STK32B: variants seen among roughly 807,000 people sequenced by gnomAD.
STK32B encodes the protein serine/threonine kinase 32B.
STK32B carries 43 observed loss-of-function variants against 52.6 expected under a neutral mutation model. That is an observed-to-expected ratio of 0.82 (90% CI 0.64 to 1.05). The LOEUF (loss-of-function observed/expected upper bound fraction) is 1.05, where lower values mean the gene tolerates loss of function less well. Ranked by LOEUF, STK32B falls within the 50% of genes least tolerant of loss-of-function variation. STK32B has a pLI of 0.00. For synonymous variants in STK32B, 238 were observed against 204.3 expected, an observed-to-expected ratio of 1.17 and a Z score of -1.41; for missense variants, 621 against 534.6, an observed-to-expected ratio of 1.16 and a Z score of -1.59.
At chr4:5,026,599 A>G in the STK32B span, among the ~76,000 whole-genome samples, 1 of 152,206 alleles carries the variant, frequency 6.6e-6, no homozygotes, top group Admixed American at 6.5e-5. Context: ...CTCTCGACAC[A>G]TGGGGATTAT....
intron 2 of STK32B, chr4:5,140,401 C>A (rs1185577397): frequency 3.3e-6 from 3 of 906,128 alleles, no homozygotes; most frequent in East Asian, 1.3e-4. Flanking sequence ...AAAAATACTC[C>A]CCCCAGTCAA....
At chr4:5,430,038 G>T (rs1307600299) in intron 6 of STK32B, among the ~76,000 whole-genome samples, 3 of 152,022 alleles carry the variant, frequency 2.0e-5, no homozygotes, top group African/African-American at 7.2e-5. Flanking sequence ...TAGATATGAT[G>T]TACCAAGGCA....
chr4:5,187,838 T>A (rs1456203017), intron 3 of STK32B, among the ~76,000 whole-genome samples: 1 of 152,162 alleles, frequency 6.6e-6, no homozygotes, highest in Non-Finnish European at 1.5e-5. Flanking sequence ...CCAACTTCTG[T>A]GAGTTAGGCC....
chr4:5,348,696 C>G (rs1300582226), intron 4 of STK32B, among the ~76,000 whole-genome samples: 1 of 152,222 alleles, frequency 6.6e-6, no homozygotes, highest in Admixed American at 6.5e-5. Flanking sequence ...CTGCCACCTT[C>G]ACCTGAGCAT....
intron 3 of STK32B, among the ~76,000 whole-genome samples, chr4:5,262,161 C>G (rs1042412808): frequency 1.3e-5 from 2 of 152,160 alleles, no homozygotes; most frequent in Admixed American, 6.5e-5. Context: ...TAACTGGACT[C>G]TCTTGGAGCC....
intron 1 of STK32B, among the ~76,000 whole-genome samples, chr4:5,079,761 G>T (rs574263111): frequency 6.6e-6 from 1 of 152,258 alleles, no homozygotes; most frequent in South Asian, 2.1e-4. Context: ...CCAGGCCACT[G>T]TACTCTTTTG....
the STK32B span, among the ~76,000 whole-genome samples, chr4:5,034,776 G>T: frequency 6.6e-6 from 1 of 152,128 alleles, no homozygotes; most frequent in East Asian, 1.9e-4. Context: ...AGGCTGGAGG[G>T]GCATCCTGGA....
At chr4:5,475,641 C>T (rs182885409) in intron 11 of STK32B, among the ~76,000 whole-genome samples, 5 of 142,374 alleles carry the variant, frequency 3.5e-5, no homozygotes, top group South Asian at 4.7e-4. Context: ...GAGGTTGCAG[C>T]GAGCCAAGAT....
At chr4:5,413,060 C>T (rs1054756445) in intron 5 of STK32B, among the ~76,000 whole-genome samples, 1 of 152,150 alleles carries the variant, frequency 6.6e-6, no homozygotes, top group African/African-American at 2.4e-5. Flanking sequence ...CCCTCTTCCT[C>T]CAGAAACCCT....
chr4:5,398,898 G>T lies in STK32B; in HGVS notation c.472+654G>T, dbSNP rs552524389. Among the ~76,000 whole-genome samples, 1 of 152,302 alleles carries T rather than the reference G, an allele frequency of 6.6e-6. No homozygotes were observed. The highest frequency in any genetic ancestry group is 2.1e-4 in the South Asian group (1 of 4,828). ...CATGGACCACACCTTGAGTAGCAAG[G>T]CACCAAGTCAGTGGCTCTCCAACTC... On this transcript the variant is annotated intron_variant, in intron 5 of 11. Transcript: ENST00000282908. The surrounding 1 kb of genome is among the most constrained non-coding windows in gnomAD (Gnocchi z 4.9).
intron 3 of STK32B, among the ~76,000 whole-genome samples, chr4:5,271,040 C>A (rs1425522412): frequency 6.6e-6 from 1 of 151,820 alleles, no homozygotes; most frequent in Non-Finnish European, 1.5e-5. Flanking sequence ...CAGATTCAAG[C>A]AATTCTCCTG....
chr4:5,331,938 C>G (rs751827396), intron 4 of STK32B, among the ~76,000 whole-genome samples: 1 of 152,146 alleles, frequency 6.6e-6, no homozygotes, highest in Admixed American at 6.5e-5. Flanking sequence ...AGTGACTTTG[C>G]CTGCAGAAGC....
intron 3 of STK32B, among the ~76,000 whole-genome samples, chr4:5,300,336 G>C (rs1472156980): frequency 6.6e-6 from 1 of 152,124 alleles, no homozygotes; most frequent in East Asian, 1.9e-4. Flanking sequence ...TACTGAGCAA[G>C]CAAAAGCTGA....
intron 6 of STK32B, among the ~76,000 whole-genome samples, chr4:5,438,634 G>A (rs1376443372): frequency 6.6e-6 from 1 of 152,074 alleles, no homozygotes; most frequent in Non-Finnish European, 1.5e-5. Context: ...TAAGTTTTAG[G>A]GTACATGTGC....
At position 5,400,166 on chromosome 4, in the gene STK32B, C is replaced by T. The variant is rs528409593; in HGVS notation, c.472+1922C>T. Among the ~76,000 whole-genome samples the T allele has an allele frequency of 1.3e-5, 2 of 152,318 alleles. No individual in the cohort carries two copies. Among genetic ancestry groups the T allele is most frequent in the East Asian group, 3.9e-4 (2 of 5,176 alleles). ...GGACTGCCTGGCTTCATAGTTCTGG[C>T]TCCATCCTCACAGACCTTGGCCACA... On this transcript the variant is annotated intron_variant, in intron 5 of 11. Transcript: ENST00000282908. This position sits in a 1 kb window ranked among gnomAD's most constrained non-coding sequence, Gnocchi z 6.1.
intron 3 of STK32B, among the ~76,000 whole-genome samples, chr4:5,198,906 C>CACAG (rs1320619698): frequency 0.01 from 1,578 of 152,294 alleles, 25 homozygotes; most frequent in African/African-American, 0.035. Flanking sequence ...ACAGAGGTGG[C>CACAG]TGATCCTGTC....
intron 3 of STK32B, among the ~76,000 whole-genome samples, chr4:5,270,387 C>T (rs565813026): frequency 3.3e-4 from 50 of 152,196 alleles, no homozygotes; most frequent in African/African-American, 1.0e-3. Flanking sequence ...TGTTCTTCTG[C>T]CTGCTTTTAT....
chr4:5,092,368 C>G (rs1577062731), intron 1 of STK32B, among the ~76,000 whole-genome samples: 1 of 152,110 alleles, frequency 6.6e-6, no homozygotes, highest in East Asian at 1.9e-4. Context: ...CCTGTCTTTA[C>G]TAAAAATACA....
intron 11 of STK32B, among the ~76,000 whole-genome samples, chr4:5,494,804 G>A (rs375891883): frequency 2.6e-5 from 4 of 152,176 alleles, no homozygotes; most frequent in African/African-American, 9.7e-5. Context: ...TTGCTTGTCT[G>A]TAAAGTATTT....
Sources: allele counts gnomAD v4.1 joint callset (sites outside exome capture counted in the v4.1 genomes callset), GRCh38; gene constraint gnomAD v4.1.1; non-coding constraint Gnocchi (gnomAD v3.1); transcripts MANE v1.5; gene names NCBI Gene and HGNC (gene_info 2026-07-23, HGNC 2026-07-21).